PTPRN2: variants seen among roughly 807,000 people sequenced by gnomAD.
The protein encoded by PTPRN2 is receptor-type tyrosine-protein phosphatase N2.
Under a neutral mutation model 118.8 loss-of-function variants are expected in PTPRN2, and 74 were observed. The observed-to-expected ratio is 0.62, with a 90% CI of 0.52 to 0.76. The LOEUF is 0.76. PTPRN2 is among the 30% of genes least tolerant of loss of function. The probability of loss-of-function intolerance (pLI) is 0.00; values close to 1 mark genes in which losing one functional copy is unlikely to be tolerated. For missense variants in PTPRN2, 1,481 were observed against 1,394.4 expected (o/e 1.06, Z -0.99); for synonymous variants, 641 against 608.0 (o/e 1.05, Z -0.80).
At chr7:158,449,609 G>A (rs993386102) in intron 2 of PTPRN2, among the ~76,000 whole-genome samples, 10 of 152,178 alleles carry the variant, frequency 6.6e-5, no homozygotes, top group Non-Finnish European at 1.0e-4. Flanking sequence ...AAGTGAACCC[G>A]TGAGGCTTAA....
intron 11 of PTPRN2, among the ~76,000 whole-genome samples, chr7:158,066,726 C>A (rs1585317028): frequency 6.6e-6 from 1 of 152,070 alleles, no homozygotes; most frequent in South Asian, 2.1e-4. Flanking sequence ...AGATTGTATA[C>A]TTTATGGGAA....
Position 157,693,930 on chromosome 7 carries a change from G to T in PTPRN2, c.1789-10993C>A, listed in dbSNP as rs1796232. Among the ~76,000 whole-genome samples the T allele has an allele frequency of 4.2e-4, 64 of 152,346 alleles. No homozygotes were observed. In the East Asian group the frequency reaches 0.012, roughly 28 times the overall value. Reference sequence around the variant, plus strand: ...GTCTCCACGGCGGCGCAGACCGCACGCGGCCACCCTGGGCCTCGGACAGGG... The same window carrying T: ...GTCTCCACGGCGGCGCAGACCGCACTCGGCCACCCTGGGCCTCGGACAGGG... On this transcript the variant is annotated intron_variant, in intron 12 of 22. Coordinates refer to ENST00000389418, the MANE Select transcript of PTPRN2 (RefSeq NM_002847.5).
chr7:157,847,851 G>A (rs1808972989), intron 12 of PTPRN2, among the ~76,000 whole-genome samples: 1 of 150,216 alleles, frequency 6.7e-6, no homozygotes, highest in Admixed American at 6.6e-5. Context: ...TGTGCCCGAT[G>A]TCTACAGAGC....
intron 6 of PTPRN2, among the ~76,000 whole-genome samples, chr7:158,142,675 A>G (rs955490757): frequency 3.3e-5 from 5 of 152,146 alleles, no homozygotes; most frequent in Non-Finnish European, 7.3e-5. Context: ...GCATTCACTG[A>G]TGGAATGCTA....
chr7:157,705,542 G>T (rs186092036), intron 12 of PTPRN2, among the ~76,000 whole-genome samples: 22 of 152,252 alleles, frequency 1.4e-4, no homozygotes, highest in Admixed American at 1.2e-3. Context: ...CCCCCAGAAT[G>T]CTGGGAATTG....
chr7:157,765,393 C>G (rs1281443606), intron 12 of PTPRN2, among the ~76,000 whole-genome samples: 1 of 149,990 alleles, frequency 6.7e-6, no homozygotes, highest in African/African-American at 2.5e-5. Flanking sequence ...CATCTATCCA[C>G]CATCCCTCAT....
In PTPRN2 at chr7:157,702,801, G is replaced by A. The variant is rs919057663; in HGVS notation, c.1789-19864C>T. Among the ~76,000 whole-genome samples, 4 of 152,344 alleles carry A rather than the reference G, an allele frequency of 2.6e-5. No homozygotes were observed. In the East Asian group the frequency reaches 7.7e-4, roughly 29 times the overall value. On this transcript the variant is annotated intron_variant, in intron 12 of 22. Transcript: ENST00000389418. ...CATTTCAAACACCCGCCGTCCTGCT[G>A]CTCCGCGCTGCCGAATCTGCTCCTC...
At chr7:158,057,132 A>G in intron 11 of PTPRN2, among the ~76,000 whole-genome samples, 1 of 152,224 alleles carries the variant, frequency 6.6e-6, no homozygotes, top group East Asian at 1.9e-4. Flanking sequence ...GGGAGCATCT[A>G]TCATCAATCC....
intron 2 of PTPRN2, among the ~76,000 whole-genome samples, chr7:158,367,590 C>T (rs937375039): frequency 2.6e-5 from 4 of 152,160 alleles, no homozygotes; most frequent in Non-Finnish European, 5.9e-5. Flanking sequence ...TAGCTCTCCG[C>T]GGGCGAAGGA....
chr7:157,811,048 G>T (rs1397381415), intron 12 of PTPRN2, among the ~76,000 whole-genome samples: 1 of 151,926 alleles, frequency 6.6e-6, no homozygotes, highest in Non-Finnish European at 1.5e-5. Flanking sequence ...AAGGCAGGCG[G>T]ATCACGAAGT....
chr7:158,250,700 C>A (rs1370529336), intron 3 of PTPRN2, among the ~76,000 whole-genome samples: 1 of 152,148 alleles, frequency 6.6e-6, no homozygotes, highest in South Asian at 2.1e-4. Flanking sequence ...TGTTTTTTGA[C>A]GTGATGCAAA....
chr7:158,035,154 A>G (rs1808002862), intron 11 of PTPRN2, among the ~76,000 whole-genome samples: 3 of 152,370 alleles, frequency 2.0e-5, no homozygotes, highest in African/African-American at 7.2e-5. Flanking sequence ...TCGTCACGAT[A>G]GTGTGTTTAC....
intron 14 of PTPRN2, among the ~76,000 whole-genome samples, chr7:157,636,416 A>C (rs778563677): frequency 5.0e-4 from 76 of 152,368 alleles, no homozygotes; most frequent in Admixed American, 1.2e-3. Flanking sequence ...CAGTTAAAAA[A>C]AACAACAACA....
Position 158,546,027 on chromosome 7 carries a change from G to C in PTPRN2, c.112+41531C>G. On this transcript the variant is annotated intron_variant, in intron 1 of 22. Coordinates refer to ENST00000389418, the MANE Select transcript of PTPRN2 (RefSeq NM_002847.5). This position sits in a 1 kb window ranked among gnomAD's most constrained non-coding sequence, Gnocchi z 5.0. The stretch of plus-strand genomic sequence containing the variant: ...AGAAAAATTCAAATCTTAATTACAG[G>C]ACTTTCAAAATTCCAGGAGGTAATT... Among the ~76,000 whole-genome samples, 1 of 152,112 alleles carries C rather than the reference G, an allele frequency of 6.6e-6. No individual in the cohort carries two copies. The highest frequency in any genetic ancestry group is 1.9e-4 in the East Asian group (1 of 5,182).
At chr7:158,222,834 G>A (rs1828473095) in intron 3 of PTPRN2, among the ~76,000 whole-genome samples, 1 of 151,826 alleles carries the variant, frequency 6.6e-6, no homozygotes, top group South Asian at 2.1e-4. Flanking sequence ...ATAAGGATAA[G>A]AAAAGAAATC....
intron 2 of PTPRN2, among the ~76,000 whole-genome samples, chr7:158,336,240 C>T (rs1401737527): frequency 1.2e-5 from 1 of 82,498 alleles, no homozygotes; most frequent in Non-Finnish European, 2.4e-5. Context: ...ATCACTCACA[C>T]CCACACACGT....
intron 11 of PTPRN2, among the ~76,000 whole-genome samples, chr7:157,946,341 C>T (rs557730492): frequency 6.6e-6 from 1 of 152,182 alleles, no homozygotes; most frequent in South Asian, 2.1e-4. Context: ...TTCCTCAATC[C>T]TGGAAATTCA....
chr7:157,593,129 A>G (rs544559460), intron 17 of PTPRN2, among the ~76,000 whole-genome samples: 16 of 144,280 alleles, frequency 1.1e-4, no homozygotes, highest in African/African-American at 3.9e-4. Flanking sequence ...GCACCTGCTG[A>G]ACTGAGAGTG....
In PTPRN2 at chr7:157,936,504, T is replaced by A. The variant is rs183808916; in HGVS notation, c.1724-37767A>T. Among the ~76,000 whole-genome samples, 10 of 152,188 alleles carry A rather than the reference T, an allele frequency of 6.6e-5. No individual in the cohort carries two copies. The East Asian group carries it at 1.5e-3, about 24-fold the overall frequency. On this transcript the variant is annotated intron_variant, in intron 11 of 22. Coordinates refer to ENST00000389418, the MANE Select transcript of PTPRN2 (RefSeq NM_002847.5). ...CTGTCTCCTGGATTCCCACCACCTC[T>A]CCCTGTTCTCCCGAGCACCACTCAA...
Sources: allele counts gnomAD v4.1 joint callset (sites outside exome capture counted in the v4.1 genomes callset), GRCh38; gene constraint gnomAD v4.1.1; non-coding constraint Gnocchi (gnomAD v3.1); transcripts MANE v1.5; gene names NCBI Gene and HGNC (gene_info 2026-07-23, HGNC 2026-07-21).